The following SYN3 variants were observed in gnomAD, a reference collection of about 807,000 sequenced individuals.
The protein encoded by SYN3 is synapsin III.
Under a neutral mutation model 65.8 loss-of-function variants are expected in SYN3, and 35 were observed. The observed-to-expected ratio is 0.53, with a 90% CI of 0.41 to 0.70. SYN3 has a LOEUF of 0.70. Among genes scored for constraint, SYN3 ranks in the 30% least tolerant of loss-of-function variants. The probability of loss-of-function intolerance (pLI) is 0.00; values close to 1 mark genes in which losing one functional copy is unlikely to be tolerated. For synonymous variants in SYN3, 270 were observed against 292.9 expected, an observed-to-expected ratio of 0.92 and a Z score of 0.80; for missense variants, 680 against 749.0, an observed-to-expected ratio of 0.91 and a Z score of 1.08.
At chr22:32,767,862 GC>G (rs796879946) in intron 6 of SYN3, among the ~76,000 whole-genome samples, 5 of 152,246 alleles carry the variant, frequency 3.3e-5, no homozygotes, top group African/African-American at 1.2e-4. Flanking sequence ...ATCTCACTCA[GC>G]CTCATGACTT....
intron 6 of SYN3, among the ~76,000 whole-genome samples, chr22:32,744,520 C>A (rs944786731): frequency 2.0e-5 from 3 of 152,174 alleles, no homozygotes; most frequent in Non-Finnish European, 4.4e-5. Flanking sequence ...CTAAGAAATT[C>A]ATCTATTTAA....
intron 4 of SYN3, among the ~76,000 whole-genome samples, chr22:32,904,405 A>C (rs1601661348): frequency 6.6e-6 from 1 of 152,318 alleles, no homozygotes; most frequent in East Asian, 1.9e-4. Flanking sequence ...GTGGAGTCAC[A>C]AGATGGAAGG....
chr22:32,720,332 G>A (rs1306682161), intron 6 of SYN3, among the ~76,000 whole-genome samples: 1 of 152,192 alleles, frequency 6.6e-6, no homozygotes, highest in East Asian at 1.9e-4. Context: ...CCTACCCAGG[G>A]CTAGCAGTTT....
At chr22:32,644,776 C>T (rs2037643400) in intron 6 of SYN3, among the ~76,000 whole-genome samples, 2 of 152,168 alleles carry the variant, frequency 1.3e-5, no homozygotes, top group South Asian at 4.1e-4. Context: ...GTGGCCTCCT[C>T]CCTCATTCCT....
intron 1 of SYN3, among the ~76,000 whole-genome samples, chr22:33,038,662 C>T (rs550261266): frequency 6.6e-6 from 1 of 152,328 alleles, no homozygotes; most frequent in African/African-American, 2.4e-5. Context: ...CTGCACCCTA[C>T]TTTATTAAAG....
chr22:32,602,663 T>C (rs998577756), intron 6 of SYN3, among the ~76,000 whole-genome samples: 1 of 152,156 alleles, frequency 6.6e-6, no homozygotes, highest in South Asian at 2.1e-4. Context: ...GGTTTCACCA[T>C]GTTGGCCAGG....
At chr22:33,012,394 G>A (rs1055144703) in intron 1 of SYN3, among the ~76,000 whole-genome samples, 5 of 152,066 alleles carry the variant, frequency 3.3e-5, no homozygotes, top group Non-Finnish European at 5.9e-5. Context: ...AACCTTTGCC[G>A]TTCATTAAGA....
intron 10 of SYN3, 137 bp downstream of exon 10, chr22:32,533,656 A>G: frequency 3.5e-6 from 2 of 577,848 alleles, no homozygotes; most frequent in Non-Finnish European, 6.2e-6. Flanking sequence ...TCCAGAAGCA[A>G]CTCACTGAGG....
chr22:32,553,655 A>C (rs906131560), intron 7 of SYN3, among the ~76,000 whole-genome samples: 2 of 152,160 alleles, frequency 1.3e-5, no homozygotes, highest in Non-Finnish European at 2.9e-5. Context: ...AGATTAGGGA[A>C]GTTTTTTGAA....
chr22:32,597,278 C>T lies in SYN3; in HGVS notation c.712-542G>A, dbSNP rs183376863. On this transcript the variant is annotated intron_variant, in intron 6 of 13. Transcript: ENST00000358763. ...TTGCCCAGGCTGGAGTGCAATGGCA[C>T]GATCTCAGCTCACTGCAACCTTTGC... 2.7e-4 allele frequency among the ~76,000 whole-genome samples: 37 copies of T among 135,032 alleles called. 1 individual carries two copies. The East Asian group carries it at 7.2e-3, about 26-fold the overall frequency. 88.6% of individuals were successfully genotyped at this position (135,032 alleles called of 152,430 possible). A position where few individuals can be genotyped will look rare whatever the true frequency, so the allele number is the denominator to read the frequency against.
chr22:32,819,330 T>C (rs772793315), intron 6 of SYN3, among the ~76,000 whole-genome samples: 1 of 152,226 alleles, frequency 6.6e-6, no homozygotes, highest in Non-Finnish European at 1.5e-5. Context: ...GAGGACACGA[T>C]GCCTTGCTGG....
rs555932326 is a variant in SYN3, at chr22:32,802,307, C to G, written c.711+62608G>C. 1.1e-4 allele frequency among the ~76,000 whole-genome samples: 17 copies of G among 152,170 alleles called. No individual in the cohort carries two copies. The East Asian group carries it at 3.3e-3, about 30-fold the overall frequency. On this transcript the variant is annotated intron_variant, in intron 6 of 13. Coordinates refer to ENST00000358763, the MANE Select transcript of SYN3 (RefSeq NM_003490.4). ...CTGGCATAGCTGAGAGGGGAAGATG[C>G]CCTGCAGAGGAAACTCACAGTGGCT...
intron 6 of SYN3, chr22:32,857,914 G>A (rs1025786699): frequency 1.3e-6 from 2 of 1,576,156 alleles, no homozygotes; most frequent in Admixed American, 3.3e-5. Context: ...AAAGTACCCA[G>A]CCACAGTGCC....
rs532160178 is a variant in SYN3 at position 33,040,791 on chromosome 22, T to C, written c.-163+17501A>G. On this transcript the variant is annotated intron_variant, in intron 1 of 13. Coordinates refer to ENST00000358763, the MANE Select transcript of SYN3 (RefSeq NM_003490.4). ...TTCCCCTGCTTGCACTTCTCCTTCA[T>C]GCTGCCTTGCGAAGAAGGTGTTTGC... 1.4e-4 allele frequency among the ~76,000 whole-genome samples: 22 copies of C among 152,308 alleles called. No individual in the cohort carries two copies. In the South Asian group the frequency reaches 3.9e-3, roughly 27 times the overall value.
At chr22:32,696,205 A>AAG (rs1601930945) in intron 6 of SYN3, among the ~76,000 whole-genome samples, 2 of 152,156 alleles carry the variant, frequency 1.3e-5, no homozygotes, top group South Asian at 2.1e-4. Flanking sequence ...GGGAAGGGCA[A>AAG]AGAGAGAGAG....
At chr22:32,658,283 G>C (rs745996288) in intron 6 of SYN3, among the ~76,000 whole-genome samples, 69 of 152,222 alleles carry the variant, frequency 4.5e-4, no homozygotes, top group Non-Finnish European at 8.5e-4. Context: ...TCCCTGGGTA[G>C]GCTGTGCTGG....
chr22:32,812,153 C>T (rs191349176), intron 6 of SYN3, among the ~76,000 whole-genome samples: 33 of 152,314 alleles, frequency 2.2e-4, no homozygotes, highest in Middle Eastern at 6.8e-3. Flanking sequence ...GTGTATTTCA[C>T]TGAATGCCTA....
intron 1 of SYN3, among the ~76,000 whole-genome samples, chr22:33,008,217 G>A (rs946622140): frequency 2.6e-5 from 4 of 152,216 alleles, no homozygotes; most frequent in Non-Finnish European, 5.9e-5. Context: ...GATCACAGGC[G>A]TGAGCCACTG....
At chr22:32,777,441 T>C (rs5754272) in intron 6 of SYN3, among the ~76,000 whole-genome samples, 68,511 of 151,840 alleles carry the variant, frequency 0.45, 16,181 homozygotes, top group East Asian at 0.55. Context: ...AGAAAAGTCC[T>C]GACTCGGTGC....
Sources: allele counts gnomAD v4.1 joint callset (sites outside exome capture counted in the v4.1 genomes callset), GRCh38; gene constraint gnomAD v4.1.1; transcripts MANE v1.5; gene names NCBI Gene and HGNC (gene_info 2026-07-23, HGNC 2026-07-21).